TDRD10: variants seen among roughly 807,000 people sequenced by gnomAD.
TDRD10 encodes the protein tudor domain containing 10.
A neutral mutation model predicts 48.0 loss-of-function variants in TDRD10; 40 were observed. The observed-to-expected ratio is 0.83, with a 90% confidence interval of 0.65 to 1.09. The LOEUF is 1.09. Ranked by LOEUF, TDRD10 falls within the 50% of genes least tolerant of loss-of-function variation. TDRD10 has a pLI of 0.00. For missense variants in TDRD10, 378 were observed against 434.7 expected, an observed-to-expected ratio of 0.87 and a Z score of 1.16; for synonymous variants, 162 against 170.4, an observed-to-expected ratio of 0.95 and a Z score of 0.38.
At chr1:154,541,930 C>A (rs998998923) in intron 6 of TDRD10, 94 bp from the exon 7 acceptor site, 2 of 1,281,110 alleles carry the variant, frequency 1.6e-6, no homozygotes, top group Non-Finnish European at 2.2e-6. Context: ...GCTGCCGATG[C>A]TCTGTCTCCC....
At chr1:154,533,369 T>A (rs1249701977) in intron 6 of TDRD10, among the ~76,000 whole-genome samples, 1 of 141,906 alleles carries the variant, frequency 7.0e-6, no homozygotes, top group Non-Finnish European at 1.6e-5. Context: ...TTTTTTTTTT[T>A]TTCTGGACCT....
chr1:154,518,954 C>T (rs1570921196), intron 4 of TDRD10, among the ~76,000 whole-genome samples: 1 of 152,150 alleles, frequency 6.6e-6, no homozygotes, highest in African/African-American at 2.4e-5. Context: ...TATGGCTTTG[C>T]ACAATATAAT....
intron 6 of TDRD10, among the ~76,000 whole-genome samples, chr1:154,539,457 C>T (rs1184099258): frequency 2.0e-5 from 3 of 152,150 alleles, no homozygotes; most frequent in African/African-American, 7.2e-5. Context: ...CACCCGCCAC[C>T]ACGGCCAGCT....
At chr1:154,539,371 G>T (rs909362567) in intron 6 of TDRD10, among the ~76,000 whole-genome samples, 6 of 151,740 alleles carry the variant, frequency 4.0e-5, no homozygotes, top group African/African-American at 1.5e-4. Flanking sequence ...GCACAATCTC[G>T]GCTCACTGCA....
intron 6 of TDRD10, among the ~76,000 whole-genome samples, chr1:154,526,619 C>T (rs1439449078): frequency 2.6e-5 from 4 of 152,028 alleles, no homozygotes; most frequent in African/African-American, 9.7e-5. Context: ...CCACGCCCAG[C>T]TAATTTTTGT....
At chr1:154,532,821 G>A (rs917601243) in intron 6 of TDRD10, among the ~76,000 whole-genome samples, 3 of 152,222 alleles carry the variant, frequency 2.0e-5, no homozygotes, top group African/African-American at 7.2e-5. Context: ...TGCCAGGTGA[G>A]GATGGAAGTC....
intron 5 of TDRD10, among the ~76,000 whole-genome samples, chr1:154,520,900 G>C (rs148823128): frequency 2.6e-5 from 4 of 152,034 alleles, no homozygotes; most frequent in Non-Finnish European, 4.4e-5. Context: ...ACCACATCCG[G>C]CTAATTTTTG....
chr1:154,521,220 G>A (rs1694034215), intron 5 of TDRD10, 103 bp from the exon 6 acceptor site: 1 of 1,157,376 alleles, frequency 8.6e-7, no homozygotes, highest in Non-Finnish European at 1.3e-6. Flanking sequence ...TCACTGCAGA[G>A]AGAAAGGACA....
chr1:154,547,229 T>A (rs1695648895), intron 11 of TDRD10, among the ~76,000 whole-genome samples, 180 bp from the exon 12 acceptor site: 1 of 152,144 alleles, frequency 6.6e-6, no homozygotes, highest in Non-Finnish European at 1.5e-5. Context: ...CTTTTCAGCA[T>A]TTATCATCTC....
At position 154,544,820 on chromosome 1, in the gene TDRD10, A is replaced by G. The variant is rs1695460645; in HGVS notation, c.823A>G (p.Thr275Ala). The G allele has an allele frequency of 6.2e-7, 1 of 1,614,036 alleles. No individual in the cohort carries two copies. The highest frequency in any genetic ancestry group is 1.7e-5 in the Admixed American group (1 of 60,000). ...GTGTTGGGTGCTGGACAGGGTGGAC[A>G]CCTGGGCTGTGGTCATGTTCATTGA... ...NRCWVLDRVD[T>A]WAVVMFIDFG... is the part of the protein sequence containing the mutation. Residue 275 changes from threonine to alanine, a missense_variant, in exon 11 of 13, where the codon ACC (threonine) becomes GCC (alanine). Transcript: ENST00000368482.
At chr1:154,519,641 G>A (rs1319717019) in intron 4 of TDRD10, among the ~76,000 whole-genome samples, 4 of 152,194 alleles carry the variant, frequency 2.6e-5, no homozygotes, top group Non-Finnish European at 5.9e-5. Flanking sequence ...GGGAGGAAAT[G>A]GAGGCATTAG....
chr1:154,527,093 C>G (rs964492012), intron 6 of TDRD10, among the ~76,000 whole-genome samples: 5 of 151,196 alleles, frequency 3.3e-5, no homozygotes, highest in African/African-American at 7.3e-5. Flanking sequence ...GTATTTTTAG[C>G]ATGGACAGGA....
chr1:154,519,379 AT>A (rs1386428331), intron 4 of TDRD10, among the ~76,000 whole-genome samples: 2 of 152,300 alleles, frequency 1.3e-5, no homozygotes, highest in East Asian at 3.9e-4. Context: ...TATAAATATC[AT>A]TTTTTTCCAA....
At chr1:154,542,155 A>G (rs1300618449) in intron 7 of TDRD10, 89 bp downstream of exon 7, 1 of 1,351,644 alleles carries the variant, frequency 7.4e-7, no homozygotes, top group African/African-American at 1.4e-5. Flanking sequence ...CCTCCCTTCC[A>G]GCTCAGTCCC....
intron 6 of TDRD10, among the ~76,000 whole-genome samples, chr1:154,527,244 A>T (rs1694365655): frequency 6.6e-6 from 1 of 152,246 alleles, no homozygotes; most frequent in Non-Finnish European, 1.5e-5. Context: ...GAGTCTGTGG[A>T]TGCAGAAACC....
At chr1:154,545,601 G>A (rs996682866) in intron 11 of TDRD10, among the ~76,000 whole-genome samples, 1 of 152,022 alleles carries the variant, frequency 6.6e-6, no homozygotes, top group Admixed American at 6.6e-5. Context: ...CAGAGGCAGG[G>A]TCTCACTCTG....
At chr1:154,547,636 G>A (rs757216735) in intron 12 of TDRD10, 42 bp from the exon 13 acceptor site, 3 of 1,614,186 alleles carry the variant, frequency 1.9e-6, no homozygotes, top group East Asian at 2.2e-5. Context: ...ACTGGCTCGG[G>A]TGGGCCTTCC....
chr1:154,521,357 G>A lies in TDRD10; in HGVS notation c.247G>A (p.Val83Met), dbSNP rs1188054539. ...TGTAGATCTGGGCTCCATGCAGAAAGTGACACTTGCAATCCAGGAGCTGAA... is the reference window on the plus strand; with the variant it reads ...TGTAGATCTGGGCTCCATGCAGAAAATGACACTTGCAATCCAGGAGCTGAA... ...AFVDLGSMQK[V>M]TLAIQELNGK... Residue 83 changes from valine (V) to methionine (M), a missense_variant, in exon 6 of 13, where the codon GTG becomes ATG. By Grantham distance (21) the Val-to-Met change is conservative (BLOSUM62 1). This residue lies in a region of TDRD10 where 310 missense variants were observed against 323.6 expected (regional missense o/e 0.96). Coordinates refer to ENST00000368482, the MANE Select transcript of TDRD10 (RefSeq NM_182499.4). The A allele has an allele frequency of 1.2e-6, 2 of 1,613,900 alleles. No homozygotes were observed. Among genetic ancestry groups the A allele is most frequent in the Admixed American group, 1.7e-5 (1 of 59,978 alleles).
chr1:154,542,383 A>C (rs1329181766), intron 7 of TDRD10, among the ~76,000 whole-genome samples: 1 of 152,180 alleles, frequency 6.6e-6, no homozygotes, highest in Non-Finnish European at 1.5e-5. Context: ...GTGCATCGCC[A>C]TGCCTGGCTA....
Sources: gnomAD v4.1 joint callset for allele counts (sites outside exome capture counted in the v4.1 genomes callset) on GRCh38, gnomAD v4.1.1 for gene constraint, gnomAD v4.1.1 regional missense constraint, MANE v1.5 for transcripts, NCBI Gene and HGNC (gene_info 2026-07-23, HGNC 2026-07-21) for gene names.